IMMP2L: variants seen among roughly 807,000 people sequenced by gnomAD.
IMMP2L encodes the protein mitochondrial inner membrane protease subunit 2.
A neutral mutation model predicts 19.3 loss-of-function variants in IMMP2L; 18 were observed. That is an observed-to-expected ratio of 0.93 (90% CI 0.64 to 1.38). IMMP2L has a LOEUF of 1.38. Among genes scored for constraint, IMMP2L ranks in the 40% most tolerant of loss-of-function variants. IMMP2L has a pLI of 0.00. For missense variants in IMMP2L, 233 were observed against 218.2 expected (o/e 1.07, Z -0.43); for synonymous variants, 76 against 73.0 (o/e 1.04, Z -0.21).
At chr7:111,056,751 A>G (rs979995286) in intron 3 of IMMP2L, among the ~76,000 whole-genome samples, 1 of 152,228 alleles carries the variant, frequency 6.6e-6, no homozygotes, top group African/African-American at 2.4e-5. Context: ...AAATGTTAAG[A>G]AAATCATAAG....
intron 4 of IMMP2L, among the ~76,000 whole-genome samples, chr7:110,933,471 A>G (rs1171652274): frequency 6.6e-6 from 1 of 152,184 alleles, no homozygotes; most frequent in Non-Finnish European, 1.5e-5. Context: ...CACACAACAG[A>G]GAAGGCATTA....
At chr7:110,770,464 T>A (rs1021663473) in intron 5 of IMMP2L, among the ~76,000 whole-genome samples, 1 of 152,182 alleles carries the variant, frequency 6.6e-6, no homozygotes, top group African/African-American at 2.4e-5. Flanking sequence ...TCTGAATAAA[T>A]TAAAATTAAC....
intron 3 of IMMP2L, among the ~76,000 whole-genome samples, chr7:111,207,308 G>T (rs1022039531): frequency 5.3e-5 from 8 of 152,166 alleles, no homozygotes; most frequent in African/African-American, 1.9e-4. Context: ...CCTATTTCAT[G>T]GGGTCATGAG....
At chr7:110,723,498 C>T (rs192633743) in intron 5 of IMMP2L, among the ~76,000 whole-genome samples, 2 of 147,800 alleles carry the variant, frequency 1.4e-5, no homozygotes, top group East Asian at 4.1e-4. Flanking sequence ...TAAAAGGTAG[C>T]TAACTGATAG....
intron 3 of IMMP2L, among the ~76,000 whole-genome samples, chr7:111,088,910 G>A (rs987401210): frequency 6.6e-6 from 1 of 152,066 alleles, no homozygotes; most frequent in Non-Finnish European, 1.5e-5. Context: ...TCAAAGAACA[G>A]AATCGCCATC....
At chr7:111,536,177 T>G (rs997924619) in intron 1 of IMMP2L, among the ~76,000 whole-genome samples, 3 of 152,208 alleles carry the variant, frequency 2.0e-5, no homozygotes, top group African/African-American at 7.2e-5. Flanking sequence ...AGCAATACTT[T>G]AAAATATGGG....
At chr7:110,702,967 C>T (rs909497297) in intron 5 of IMMP2L, among the ~76,000 whole-genome samples, 5 of 152,096 alleles carry the variant, frequency 3.3e-5, no homozygotes, top group African/African-American at 1.2e-4. Flanking sequence ...GATCAGATAG[C>T]TTTACCTGGT....
chr7:111,218,815 T>C (rs1812231356), intron 3 of IMMP2L, among the ~76,000 whole-genome samples: 1 of 152,086 alleles, frequency 6.6e-6, no homozygotes. Flanking sequence ...CCATGAACAG[T>C]TCTGATATCT....
chr7:111,189,259 T>C (rs764347368), intron 3 of IMMP2L, among the ~76,000 whole-genome samples: 5 of 152,008 alleles, frequency 3.3e-5, no homozygotes, highest in Non-Finnish European at 7.4e-5. Flanking sequence ...GGCAGAAAGA[T>C]GTGTCTCAAA....
intron 3 of IMMP2L, among the ~76,000 whole-genome samples, chr7:111,134,066 A>C (rs1802098456): frequency 6.6e-6 from 1 of 152,176 alleles, no homozygotes; most frequent in Admixed American, 6.5e-5. Flanking sequence ...GTAATGTAAA[A>C]TTGTGATTGA....
rs1163851844 is a variant in IMMP2L, at chr7:111,421,292, C to T, written c.239+65946G>A. 1.5e-3 allele frequency among the ~76,000 whole-genome samples: 177 copies of T among 119,802 alleles called. 1 individual carries two copies. The highest frequency in any genetic ancestry group is 4.6e-3 in the African/African-American group (140 of 30,216). 78.6% of individuals were successfully genotyped at this position (119,802 alleles called of 152,430 possible). On this transcript the variant is annotated intron_variant, in intron 3 of 5. Transcript: ENST00000405709. Reference sequence around the variant, plus strand: ...CTTTTTTTTTTTTTTTTTTTTGAGACGGAGTCTCGCTCTGTGGCCCAGGTG... The same window carrying T: ...CTTTTTTTTTTTTTTTTTTTTGAGATGGAGTCTCGCTCTGTGGCCCAGGTG...
intron 4 of IMMP2L, among the ~76,000 whole-genome samples, chr7:110,889,853 A>G (rs1369140866): frequency 6.6e-6 from 1 of 152,188 alleles, no homozygotes; most frequent in Non-Finnish European, 1.5e-5. Context: ...ACCTAACTCA[A>G]AAAGTTATTC....
At chr7:110,737,713 G>C (rs1796731934) in intron 5 of IMMP2L, among the ~76,000 whole-genome samples, 1 of 152,196 alleles carries the variant, frequency 6.6e-6, no homozygotes, top group Non-Finnish European at 1.5e-5. Flanking sequence ...TAGGACCACA[G>C]CTGATGTGCT....
intron 5 of IMMP2L, among the ~76,000 whole-genome samples, chr7:110,826,661 G>A (rs963053042): frequency 2.0e-5 from 3 of 151,982 alleles, no homozygotes; most frequent in Admixed American, 6.6e-5. Context: ...CACAGGAAGG[G>A]GAACATCACA....
chr7:111,380,099 C>G (rs1831054113), intron 3 of IMMP2L, among the ~76,000 whole-genome samples: 1 of 151,758 alleles, frequency 6.6e-6, no homozygotes, highest in African/African-American at 2.4e-5. Context: ...ATTTATTTGT[C>G]AGGAAAAAAT....
intron 4 of IMMP2L, among the ~76,000 whole-genome samples, chr7:110,923,780 G>T (rs1459207771): frequency 6.6e-6 from 1 of 152,008 alleles, no homozygotes; most frequent in Non-Finnish European, 1.5e-5. Context: ...TTAAATTAGA[G>T]TATCACTCCT....
intron 4 of IMMP2L, among the ~76,000 whole-genome samples, chr7:110,911,388 A>G (rs978792395): frequency 6.6e-6 from 1 of 152,198 alleles, no homozygotes; most frequent in African/African-American, 2.4e-5. Flanking sequence ...AAGGGTTTCT[A>G]AATACTCAGC....
At chr7:111,073,279 G>A (rs1795115008) in intron 3 of IMMP2L, among the ~76,000 whole-genome samples, 1 of 152,160 alleles carries the variant, frequency 6.6e-6, no homozygotes, top group Non-Finnish European at 1.5e-5. Context: ...GGGGGAGACA[G>A]AGAGAGGAGG....
At chr7:111,205,290 G>A (rs751703725) in intron 3 of IMMP2L, among the ~76,000 whole-genome samples, 4 of 152,122 alleles carry the variant, frequency 2.6e-5, no homozygotes, top group Non-Finnish European at 5.9e-5. Context: ...TATCACATTG[G>A]TGATTAAGTT....
Sources: allele counts gnomAD v4.1 joint callset (sites outside exome capture counted in the v4.1 genomes callset), GRCh38; gene constraint gnomAD v4.1.1; transcripts MANE v1.5; gene names NCBI Gene and HGNC (gene_info 2026-07-23, HGNC 2026-07-21).